DHX9: variants seen among roughly 807,000 people sequenced by gnomAD.
DHX9 encodes DExH-box helicase 9.
DHX9 carries 27 observed loss-of-function variants against 148.7 expected under a neutral mutation model. That is an observed-to-expected ratio of 0.18 (90% confidence interval 0.13 to 0.25). The LOEUF (loss-of-function observed/expected upper bound fraction) is 0.25, where lower values mean the gene tolerates loss of function less well. Among genes scored for constraint, DHX9 ranks in the 10% least tolerant of loss-of-function variants. The pLI, the probability that DHX9 is intolerant of heterozygous loss-of-function variation, is 1.00. For synonymous variants in DHX9, 529 were observed against 516.6 expected (o/e 1.02, Z -0.33); for missense variants, 796 against 1,559.6 (o/e 0.51, Z 8.25).
chr1:182,849,023 T>C (rs1228551220), intron 3 of DHX9, among the ~76,000 whole-genome samples: 1 of 152,162 alleles, frequency 6.6e-6, no homozygotes, highest in Non-Finnish European at 1.5e-5. Context: ...ACCTCCAACA[T>C]TGAGGATTAA....
chr1:182,848,165 T>C (rs1668066232), intron 3 of DHX9, among the ~76,000 whole-genome samples: 1 of 152,256 alleles, frequency 6.6e-6, no homozygotes, highest in African/African-American at 2.4e-5. Flanking sequence ...ATTATAAACA[T>C]TGTCACCCTC....
chr1:182,869,440 T>G lies in DHX9; in HGVS notation c.1557+2397T>G, dbSNP rs139093212. On this transcript the variant is annotated intron_variant, in intron 14 of 27. Transcript: ENST00000367549. Reference sequence around the variant, plus strand: ...TCTTATCCGGTTTGGCCTGGTCTGGTCCTGTCTTATCTGATGCTGACCAGT... The same window carrying G: ...TCTTATCCGGTTTGGCCTGGTCTGGGCCTGTCTTATCTGATGCTGACCAGT... Among the ~76,000 whole-genome samples the G allele has an allele frequency of 6.0e-4, 91 of 152,208 alleles. 1 individual carries two copies. The highest frequency in any genetic ancestry group is 2.0e-3 in the African/African-American group (82 of 41,494).
intron 15 of DHX9, among the ~76,000 whole-genome samples, chr1:182,873,045 T>C (rs1416900857): frequency 1.3e-5 from 2 of 152,168 alleles, no homozygotes; most frequent in African/African-American, 4.8e-5. Context: ...AACCTCTGGC[T>C]CCCAGGCTCA....
At chr1:182,886,019 G>T (rs1488609056) in intron 27 of DHX9, among the ~76,000 whole-genome samples, 1 of 152,182 alleles carries the variant, frequency 6.6e-6, no homozygotes, top group African/African-American at 2.4e-5. Context: ...GTATGAATAT[G>T]TGGTGGCTTA....
rs1045988088 is a variant in DHX9, at chr1:182,856,647, T to A, written c.673+69T>A. The stretch of plus-strand genomic sequence containing the variant: ...GAAGGAATCTTCACATTTTAAGTCT[T>A]GAGTCACGTATACAGAAGCTGTATT... On this transcript the variant is annotated intron_variant, in intron 7 of 27. Coordinates refer to ENST00000367549, the MANE Select transcript of DHX9 (RefSeq NM_001357.5). 2.0e-5 allele frequency: 27 copies of A among 1,373,462 alleles called. No individual in the cohort carries two copies. In the African/African-American group the frequency reaches 3.4e-4, roughly 18 times the overall value. 85.1% of individuals were successfully genotyped at this position (1,373,462 alleles called of 1,614,324 possible).
rs1171284219 is a variant in DHX9, at chr1:182,876,448, A to G, written c.2031A>G (p.Gly677=). The part of the protein sequence containing the change: ...QKHLEMNPHF[G]SHRYQILPLH... ...TGATTGTTCTTTATTGTTATATAGG[A>G]AGCCATCGGTATCAGATTCTACCCC... The change falls in exon 18 of 28, where the codon GGA becomes GGG. Residue 677 remains glycine, a splice_region_variant and synonymous_variant. Coordinates refer to ENST00000367549, the MANE Select transcript of DHX9 (RefSeq NM_001357.5). 1.2e-6 allele frequency: 2 copies of G among 1,613,158 alleles called. No individual in the cohort carries two copies. The highest frequency in any genetic ancestry group is 2.7e-5 in the African/African-American group (2 of 74,902).
At chr1:182,875,685 G>C (rs1648731274) in intron 16 of DHX9, among the ~76,000 whole-genome samples, 1 of 152,142 alleles carries the variant, frequency 6.6e-6, no homozygotes, top group Admixed American at 6.5e-5. Flanking sequence ...AAGACCAATT[G>C]CAACAACTGT....
At chr1:182,856,808 C>T (rs530941225) in intron 7 of DHX9, among the ~76,000 whole-genome samples, 1 of 152,274 alleles carries the variant, frequency 6.6e-6, no homozygotes, top group African/African-American at 2.4e-5. Context: ...AAAGGTAAGA[C>T]ACAGTGGGAT....
intron 5 of DHX9, 66 bp downstream of exon 5, chr1:182,853,484 T>TA: frequency 8.5e-7 from 1 of 1,180,168 alleles, no homozygotes; most frequent in Admixed American, 2.0e-5. Context: ...CAGCAAAGCT[T>TA]AGGATTAGGA....
intron 2 of DHX9, among the ~76,000 whole-genome samples, chr1:182,842,996 T>A (rs1379196752): frequency 6.6e-6 from 1 of 152,184 alleles, no homozygotes; most frequent in Non-Finnish European, 1.5e-5. Flanking sequence ...TTGCTTCAAA[T>A]CAAAGTGCTT....
At chr1:182,886,499 C>T (rs1351630501) in intron 27 of DHX9, among the ~76,000 whole-genome samples, 2 of 152,118 alleles carry the variant, frequency 1.3e-5, no homozygotes, top group Non-Finnish European at 2.9e-5. Flanking sequence ...CCCAGCCACA[C>T]AGCCATATTT....
chr1:182,861,405 A>G (rs1044852261), intron 12 of DHX9, among the ~76,000 whole-genome samples: 7 of 152,210 alleles, frequency 4.6e-5, no homozygotes, highest in African/African-American at 1.4e-4. Flanking sequence ...TCATACTCCA[A>G]TAAAATATTC....
rs1416075138 is a variant in DHX9, at chr1:182,853,414, A to G, written c.473A>G (p.Gln158Arg). 3.1e-6 allele frequency: 5 copies of G among 1,612,818 alleles called. No individual in the cohort carries two copies. The highest frequency in any genetic ancestry group is 4.2e-6 in the Non-Finnish European group (5 of 1,178,996). ...TCAAGAAAGGAAGAACAAGAAGTGC[A>G]AGCGGTAAGGCCAGCACCGTAGGTT... is the stretch of plus-strand genomic sequence containing the variant. ...YYSRKEEQEV[Q>R]ATLESEEVDL... The change falls in exon 5 of 28, where the codon CAA (glutamine) becomes CGA (arginine). Residue 158 changes from glutamine (Q) to arginine (R), a missense_variant. Gln to Arg is a conservative substitution (Grantham distance 43). This residue lies in a region of DHX9 where 46 missense variants were observed against 136.3 expected (regional missense o/e 0.34). Coordinates refer to ENST00000367549, the MANE Select transcript of DHX9 (RefSeq NM_001357.5).
At chr1:182,879,713 A>G (rs1039586088) in intron 21 of DHX9, among the ~76,000 whole-genome samples, 1 of 152,144 alleles carries the variant, frequency 6.6e-6, no homozygotes, top group Non-Finnish European at 1.5e-5. Flanking sequence ...AGTATTTCAT[A>G]TGAATCTCTT....
rs772218870 is a variant in DHX9 at position 182,876,923 on chromosome 1, A to AT, written c.2198+23dup. On this transcript the variant is annotated intron_variant, in intron 19 of 27. Coordinates refer to ENST00000367549, the MANE Select transcript of DHX9 (RefSeq NM_001357.5). ...CTGCAAGTAAGTTACTGGGAAACCT[A>AT]TTTGTCTGCTCCAGTGTTACTAACT... 29 of 1,580,218 alleles carry AT rather than the reference A, an allele frequency of 1.8e-5. No individual in the cohort carries two copies. In the Admixed American group the frequency reaches 2.4e-4, roughly 13 times the overall value.
chr1:182,854,239 T>C (rs1330409765), intron 6 of DHX9, 61 bp downstream of exon 6: 2 of 1,418,012 alleles, frequency 1.4e-6, no homozygotes, highest in Non-Finnish European at 1.9e-6. Flanking sequence ...ATATTCACTG[T>C]TGAATATAAT....
At chr1:182,841,326 A>G (rs772697784) in intron 1 of DHX9, among the ~76,000 whole-genome samples, 8 of 152,118 alleles carry the variant, frequency 5.3e-5, no homozygotes, top group Non-Finnish European at 1.0e-4. Flanking sequence ...AAGTTTAAAT[A>G]TATGTATTTG....
At chr1:182,861,864 T>C (rs529198459) in intron 12 of DHX9, among the ~76,000 whole-genome samples, 6 of 152,224 alleles carry the variant, frequency 3.9e-5, no homozygotes, top group Non-Finnish European at 7.3e-5. Flanking sequence ...CTTCAAAATT[T>C]TAAAAACCTA....
chr1:182,845,679 G>T (rs1031064332), intron 3 of DHX9, among the ~76,000 whole-genome samples: 6 of 152,224 alleles, frequency 3.9e-5, no homozygotes, highest in Non-Finnish European at 8.8e-5. Context: ...CCACTTGCAA[G>T]TCTGGGCCTC....
Sources: gnomAD v4.1 joint callset for allele counts (sites outside exome capture counted in the v4.1 genomes callset) on GRCh38, gnomAD v4.1.1 for gene constraint, gnomAD v4.1.1 regional missense constraint, MANE v1.5 for transcripts, NCBI Gene and HGNC (gene_info 2026-07-23, HGNC 2026-07-21) for gene names.